The following PHACTR1 variants were observed in gnomAD, a reference collection of about 807,000 sequenced individuals.
PHACTR1 encodes RPEL repeat containing 1.
PHACTR1 carries 16 observed loss-of-function variants against 69.2 expected under a neutral mutation model. That is an observed-to-expected ratio of 0.23 (90% CI 0.16 to 0.35). The LOEUF is 0.35. PHACTR1 is among the 10% of genes least tolerant of loss of function. The probability of loss-of-function intolerance (pLI) is 1.00; values close to 1 mark genes in which losing one functional copy is unlikely to be tolerated. For missense variants in PHACTR1, 510 were observed against 734.7 expected (o/e 0.69, Z 3.54); for synonymous variants, 312 against 284.5 (o/e 1.10, Z -0.97).
intron 5 of PHACTR1, among the ~76,000 whole-genome samples, chr6:13,115,188 TG>T (rs1817630705): frequency 6.6e-6 from 1 of 152,234 alleles, no homozygotes; most frequent in Non-Finnish European, 1.5e-5. Context: ...TATAGTTAAA[TG>T]CTATAATGAC....
chr6:12,911,117 G>A (rs913950198), intron 4 of PHACTR1, among the ~76,000 whole-genome samples: 6 of 152,350 alleles, frequency 3.9e-5, no homozygotes, highest in African/African-American at 1.4e-4. Flanking sequence ...TAACAAAGCT[G>A]TGCAAAACTG....
At chr6:12,960,900 C>T (rs1274399045) in intron 4 of PHACTR1, among the ~76,000 whole-genome samples, 1 of 152,178 alleles carries the variant, frequency 6.6e-6, no homozygotes, top group Non-Finnish European at 1.5e-5. Context: ...TTTTTGCAGT[C>T]TCCTAACATG....
intron 4 of PHACTR1, among the ~76,000 whole-genome samples, chr6:13,051,727 T>C (rs1472463531): frequency 6.6e-6 from 1 of 152,220 alleles, no homozygotes; most frequent in Admixed American, 6.5e-5. Flanking sequence ...TGCTCTCTCC[T>C]CTTCACTTAC....
At chr6:12,961,840 T>G (rs1017995349) in intron 4 of PHACTR1, among the ~76,000 whole-genome samples, 34 of 152,234 alleles carry the variant, frequency 2.2e-4, no homozygotes, top group South Asian at 8.3e-4. Flanking sequence ...CCTTGGCTTG[T>G]AGATGGCCAC....
At chr6:13,257,981 C>T (rs964156010) in intron 10 of PHACTR1, among the ~76,000 whole-genome samples, 6 of 152,134 alleles carry the variant, frequency 3.9e-5, no homozygotes, top group African/African-American at 7.2e-5. Flanking sequence ...CTGGGGACCA[C>T]GCTGTGAGAA....
chr6:12,950,825 G>A (rs1263942460), intron 4 of PHACTR1, among the ~76,000 whole-genome samples: 1 of 152,152 alleles, frequency 6.6e-6, no homozygotes, highest in Non-Finnish European at 1.5e-5. Flanking sequence ...GGCAGAACTA[G>A]AATTCCATCC....
intron 3 of PHACTR1, among the ~76,000 whole-genome samples, chr6:12,748,236 G>A (rs1222428222): frequency 6.6e-6 from 1 of 152,170 alleles, no homozygotes; most frequent in Non-Finnish European, 1.5e-5. Flanking sequence ...CCTAAAATGA[G>A]TAGTTACTAT....
intron 4 of PHACTR1, among the ~76,000 whole-genome samples, chr6:12,844,009 A>G (rs1778950228): frequency 6.6e-6 from 1 of 152,216 alleles, no homozygotes; most frequent in Admixed American, 6.5e-5. Flanking sequence ...AATCACTTTG[A>G]GTCAATCTTT....
At chr6:13,048,579 T>C (rs1186239182) in intron 4 of PHACTR1, among the ~76,000 whole-genome samples, 4 of 149,862 alleles carry the variant, frequency 2.7e-5, no homozygotes, top group Non-Finnish European at 5.9e-5. Flanking sequence ...TTGTCACCTA[T>C]GCTGGAGTGT....
chr6:13,208,604 A>G (rs893538526), intron 8 of PHACTR1, among the ~76,000 whole-genome samples: 1 of 151,458 alleles, frequency 6.6e-6, no homozygotes, highest in Non-Finnish European at 1.5e-5. Flanking sequence ...TCCTAAGGAC[A>G]TGTAGCAGCC....
intron 4 of PHACTR1, among the ~76,000 whole-genome samples, chr6:12,869,895 A>G (rs927137888): frequency 5.3e-5 from 8 of 152,202 alleles, no homozygotes; most frequent in African/African-American, 1.9e-4. Flanking sequence ...TTTTAGCAAT[A>G]GTTCCTGAGC....
chr6:13,210,644 A>C (rs955254866), intron 8 of PHACTR1, among the ~76,000 whole-genome samples: 2 of 152,166 alleles, frequency 1.3e-5, no homozygotes, highest in African/African-American at 4.8e-5. Flanking sequence ...CTTATCTGTA[A>C]AATAAAAATA....
chr6:12,962,369 A>G (rs1316504307), intron 4 of PHACTR1, among the ~76,000 whole-genome samples: 1 of 152,212 alleles, frequency 6.6e-6, no homozygotes, highest in Non-Finnish European at 1.5e-5. Context: ...GGGCCTCAAC[A>G]TATGAATTTA....
intron 12 of PHACTR1, among the ~76,000 whole-genome samples, chr6:13,282,418 A>C (rs1461477314): frequency 2.0e-5 from 3 of 152,118 alleles, no homozygotes; most frequent in Non-Finnish European, 4.4e-5. Context: ...AATACATACG[A>C]ATCTTCCTTT....
intron 3 of PHACTR1, among the ~76,000 whole-genome samples, chr6:12,733,095 C>T (rs1232663368): frequency 6.6e-6 from 1 of 152,210 alleles, no homozygotes; most frequent in Non-Finnish European, 1.5e-5. Context: ...CCTCCACAAA[C>T]ACAATATTTC....
At chr6:12,973,916 A>AT (rs33948457) in intron 4 of PHACTR1, among the ~76,000 whole-genome samples, 23,588 of 93,088 alleles carry the variant, frequency 0.25, 4,340 homozygotes, top group African/African-American at 0.47. Context: ...AGAGGCTGGG[A>AT]TTTTTTTTTT....
intron 12 of PHACTR1, chr6:13,279,798 T>C (rs889492194): frequency 6.6e-6 from 1 of 152,240 alleles, no homozygotes; most frequent in Non-Finnish European, 1.5e-5. Context: ...GGGTGCAGTT[T>C]TTCCTGAGCT....
chr6:12,809,941 G>A (rs1561903343), intron 4 of PHACTR1, among the ~76,000 whole-genome samples: 1 of 152,076 alleles, frequency 6.6e-6, no homozygotes, highest in Non-Finnish European at 1.5e-5. Flanking sequence ...AAAGTCTAAG[G>A]CCTCATACTC....
Position 12,754,810 on chromosome 6 carries a change from T to A in PHACTR1, c.250+5020T>A, listed in dbSNP as rs568421322. On this transcript the variant is annotated intron_variant, in intron 4 of 14. Transcript: ENST00000332995. ...TTATTTCATTATTTCCTAAATCATA[T>A]AACAACTATTTACGTAGCATTTACA... 7.9e-5 allele frequency among the ~76,000 whole-genome samples: 12 copies of A among 152,362 alleles called. 1 individual carries two copies. The highest frequency in any genetic ancestry group is 2.9e-4 in the African/African-American group (12 of 41,600).
Sources: allele counts gnomAD v4.1 joint callset (sites outside exome capture counted in the v4.1 genomes callset), GRCh38; gene constraint gnomAD v4.1.1; transcripts MANE v1.5; gene names NCBI Gene and HGNC (gene_info 2026-07-23, HGNC 2026-07-21).